GRIN3A: variants seen among roughly 807,000 people sequenced by gnomAD.
GRIN3A encodes the protein glutamate ionotropic receptor NMDA type subunit 3A, also known as glutamate receptor ionotropic, NMDA 3A.
In GRIN3A, 47 loss-of-function variants were observed where a neutral mutation model predicts 92.4. The observed-to-expected ratio is 0.51, with a 90% CI of 0.40 to 0.65. The LOEUF is 0.65. Among genes scored for constraint, GRIN3A ranks in the 30% least tolerant of loss-of-function variants. The probability of loss-of-function intolerance (pLI) is 0.00; values close to 1 mark genes in which losing one functional copy is unlikely to be tolerated. For synonymous variants in GRIN3A, 527 were observed against 540.6 expected (o/e 0.97, Z 0.35); for missense variants, 1,324 against 1,393.1 (o/e 0.95, Z 0.79).
intron 3 of GRIN3A, among the ~76,000 whole-genome samples, chr9:101,634,693 T>C (rs4460436): frequency 0.14 from 20,943 of 152,106 alleles, 1,484 homozygotes; most frequent in East Asian, 0.23. Context: ...GTCCAAGTCT[T>C]GTGAAAATCC....
rs564058454 is a variant in GRIN3A at position 101,726,630 on chromosome 9, T to C, written c.699+10651A>G. Among the ~76,000 whole-genome samples the C allele has an allele frequency of 2.0e-5, 3 of 152,190 alleles. No individual in the cohort carries two copies. In the South Asian group the frequency reaches 6.2e-4, roughly 32 times the overall value. On this transcript the variant is annotated intron_variant, in intron 1 of 8. Transcript: ENST00000361820. ...TGTTCTATATCTATGTTGTCCAATATAGAAGTCACTACCCATATGTTCCCA... is the reference window on the plus strand; with the variant it reads ...TGTTCTATATCTATGTTGTCCAATACAGAAGTCACTACCCATATGTTCCCA...
rs530643551 is a variant in GRIN3A, at chr9:101,725,163, A to G, written c.699+12118T>C. Among the ~76,000 whole-genome samples, 3 of 152,340 alleles carry G rather than the reference A, an allele frequency of 2.0e-5. No individual in the cohort carries two copies. The South Asian group carries it at 6.2e-4, about 32-fold the overall frequency. On this transcript the variant is annotated intron_variant, in intron 1 of 8. Coordinates refer to ENST00000361820, the MANE Select transcript of GRIN3A (RefSeq NM_133445.3). ...CCCCACAGAAGTGTTGGGTCATGGAAAAAGAAAGGGAATATTATTATAGTA... is the reference window on the plus strand; with the variant it reads ...CCCCACAGAAGTGTTGGGTCATGGAGAAAGAAAGGGAATATTATTATAGTA...
intron 1 of GRIN3A, among the ~76,000 whole-genome samples, chr9:101,694,343 A>T (rs972888817): frequency 6.6e-6 from 1 of 151,742 alleles, no homozygotes; most frequent in African/African-American, 2.4e-5. Flanking sequence ...TAGCAGGAGC[A>T]TGCATATTAC....
rs1828380444 is a variant in GRIN3A at position 101,612,523 on chromosome 9, G to A, written c.2766+853C>T. Among the ~76,000 whole-genome samples, 3 of 152,180 alleles carry A rather than the reference G, an allele frequency of 2.0e-5. No individual in the cohort carries two copies. In the South Asian group the frequency reaches 6.2e-4, roughly 32 times the overall value. On this transcript the variant is annotated intron_variant, in intron 6 of 8. Transcript: ENST00000361820. ...CCTGGAGCTCAGAAGAAGGGTCTGTGTTGAAATACAACTTTGGGAGTTCTT... is the reference window on the plus strand; with the variant it reads ...CCTGGAGCTCAGAAGAAGGGTCTGTATTGAAATACAACTTTGGGAGTTCTT...
intron 6 of GRIN3A, among the ~76,000 whole-genome samples, chr9:101,583,499 TC>T (rs1827915477): frequency 1.3e-5 from 2 of 152,128 alleles, no homozygotes; most frequent in South Asian, 4.1e-4. Flanking sequence ...AAACTTTCTT[TC>T]TAGTAAAAAA....
intron 6 of GRIN3A, among the ~76,000 whole-genome samples, chr9:101,585,310 T>C (rs1285715428): frequency 2.6e-5 from 4 of 152,212 alleles, no homozygotes; most frequent in Non-Finnish European, 5.9e-5. Flanking sequence ...TCTTCATCTT[T>C]CTGACTGTAA....
rs182465191 is a variant in GRIN3A, at chr9:101,699,211, C to T, written c.700-12011G>A. ...AGATATGAACAGATATTAGCCTAGGCCTACACAGGTTCAGGATCATCCATA... is the reference window on the plus strand; with the variant it reads ...AGATATGAACAGATATTAGCCTAGGTCTACACAGGTTCAGGATCATCCATA... On this transcript the variant is annotated intron_variant, in intron 1 of 8. Transcript: ENST00000361820. 2.7e-3 allele frequency among the ~76,000 whole-genome samples: 414 copies of T among 152,116 alleles called. 1 individual carries two copies. The highest frequency in any genetic ancestry group is 3.7e-3 in the Non-Finnish European group (251 of 67,996).
intron 2 of GRIN3A, among the ~76,000 whole-genome samples, chr9:101,671,631 A>G (rs1411640405): frequency 6.6e-6 from 1 of 152,208 alleles, no homozygotes; most frequent in Non-Finnish European, 1.5e-5. Context: ...TCATAACATT[A>G]GAAAATAGCC....
chr9:101,665,561 GAAAT>G (rs1247343244), intron 3 of GRIN3A, among the ~76,000 whole-genome samples: 3 of 151,936 alleles, frequency 2.0e-5, no homozygotes, highest in Non-Finnish European at 4.4e-5. Flanking sequence ...GATATGAAGA[GAAAT>G]AAAGCAGATA....
intron 1 of GRIN3A, among the ~76,000 whole-genome samples, chr9:101,723,455 C>G (rs1564152942): frequency 6.6e-6 from 1 of 152,096 alleles, no homozygotes; most frequent in Non-Finnish European, 1.5e-5. Flanking sequence ...GCAGCGTGGA[C>G]CCAAAGAGTG....
At chr9:101,654,307 A>G (rs1829054777) in intron 3 of GRIN3A, among the ~76,000 whole-genome samples, 1 of 151,468 alleles carries the variant, frequency 6.6e-6, no homozygotes, top group Non-Finnish European at 1.5e-5. Flanking sequence ...CTATGCACAC[A>G]CATATCAAAT....
chr9:101,703,726 T>C (rs1445916618), intron 1 of GRIN3A, among the ~76,000 whole-genome samples: 1 of 152,220 alleles, frequency 6.6e-6, no homozygotes, highest in Non-Finnish European at 1.5e-5. Context: ...CACATTTTGA[T>C]TGATAACGCA....
At chr9:101,641,811 CAATA>C (rs1828868947) in intron 3 of GRIN3A, among the ~76,000 whole-genome samples, 1 of 149,200 alleles carries the variant, frequency 6.7e-6, no homozygotes, top group African/African-American at 2.5e-5. Context: ...AAACGAAATG[CAATA>C]AAAAAAAAGT....
At chr9:101,649,458 C>T (rs186956908) in intron 3 of GRIN3A, among the ~76,000 whole-genome samples, 1 of 152,100 alleles carries the variant, frequency 6.6e-6, no homozygotes, top group East Asian at 1.9e-4. Flanking sequence ...TGAGACAGGG[C>T]AAGAGTGGGC....
chr9:101,696,200 TTG>T (rs1415631598), intron 1 of GRIN3A, among the ~76,000 whole-genome samples: 2 of 152,248 alleles, frequency 1.3e-5, no homozygotes, highest in Non-Finnish European at 2.9e-5. Context: ...ATAATACTAA[TTG>T]TCAAACAACT....
At chr9:101,639,649 T>G (rs1275806717) in intron 3 of GRIN3A, among the ~76,000 whole-genome samples, 1 of 152,228 alleles carries the variant, frequency 6.6e-6, no homozygotes, top group African/African-American at 2.4e-5. Flanking sequence ...GCACAGCTAC[T>G]CAAATCCTCA....
intron 1 of GRIN3A, among the ~76,000 whole-genome samples, chr9:101,724,941 G>A (rs1830067075): frequency 6.6e-6 from 1 of 152,220 alleles, no homozygotes; most frequent in Admixed American, 6.5e-5. Flanking sequence ...ACTTGCTGAT[G>A]ATTATTAACC....
intron 6 of GRIN3A, among the ~76,000 whole-genome samples, 194 bp from the exon 7 acceptor site, chr9:101,579,554 T>G (rs770626519): frequency 2.0e-5 from 3 of 152,048 alleles, no homozygotes; most frequent in Non-Finnish European, 4.4e-5. Context: ...GACTGAGGGC[T>G]GCCGAGGAGC....
At chr9:101,727,338 C>T (rs1564153840) in intron 1 of GRIN3A, among the ~76,000 whole-genome samples, 1 of 152,030 alleles carries the variant, frequency 6.6e-6, no homozygotes, top group Non-Finnish European at 1.5e-5. Context: ...ATGAGTAGAT[C>T]TTTTGGTTGT....
Sources: gnomAD v4.1 joint callset for allele counts (sites outside exome capture counted in the v4.1 genomes callset) on GRCh38, gnomAD v4.1.1 for gene constraint, MANE v1.5 for transcripts, NCBI Gene and HGNC (gene_info 2026-07-23, HGNC 2026-07-21) for gene names.